SORCS1: variants seen among roughly 807,000 people sequenced by gnomAD.
SORCS1 encodes the protein sortilin related VPS10 domain containing receptor 1.
Under a neutral mutation model 146.1 loss-of-function variants are expected in SORCS1, and 60 were observed. The observed-to-expected ratio is 0.41, with a 90% CI of 0.33 to 0.51. The LOEUF (loss-of-function observed/expected upper bound fraction) is 0.51. Ranked by LOEUF, SORCS1 falls within the 20% of genes least tolerant of loss-of-function variation. The pLI is 0.21. For synonymous variants in SORCS1, 637 were observed against 584.0 expected, an observed-to-expected ratio of 1.09 and a Z score of -1.31; for missense variants, 1,352 against 1,487.6, an observed-to-expected ratio of 0.91 and a Z score of 1.50.
At position 106,898,368 on chromosome 10, in the gene SORCS1, C is replaced by T. The variant is rs1001493985; in HGVS notation, c.626+58145G>A. On this transcript the variant is annotated intron_variant, in intron 2 of 25. Coordinates refer to ENST00000263054, the MANE Select transcript of SORCS1 (RefSeq NM_052918.5). ...TAATTAGATGTCTGACAGCCAACAT[C>T]GGCAGGACTGCTGTCCTTCTGCTGG... 2.0e-5 allele frequency among the ~76,000 whole-genome samples: 3 copies of T among 152,006 alleles called. No homozygotes were observed. In the East Asian group the frequency reaches 5.8e-4, roughly 29 times the overall value.
At chr10:106,871,826 T>C (rs571659645) in intron 2 of SORCS1, among the ~76,000 whole-genome samples, 11 of 152,164 alleles carry the variant, frequency 7.2e-5, no homozygotes, top group Non-Finnish European at 1.5e-4. Flanking sequence ...AAATAATCTG[T>C]ACAACAAACC....
At chr10:106,795,190 C>G (rs930476515) in intron 3 of SORCS1, among the ~76,000 whole-genome samples, 26 of 152,128 alleles carry the variant, frequency 1.7e-4, no homozygotes, top group African/African-American at 6.0e-4. Flanking sequence ...AAACAGGTTC[C>G]TTTGGTTTAT....
chr10:106,987,729 T>G (rs2139425933), intron 1 of SORCS1, among the ~76,000 whole-genome samples: 1 of 152,346 alleles, frequency 6.6e-6, no homozygotes, highest in South Asian at 2.1e-4. Context: ...AATTTATAAT[T>G]ATTACCTGCA....
chr10:107,172,111 A>G, the SORCS1 span, among the ~76,000 whole-genome samples: 13 of 152,186 alleles, frequency 8.5e-5, no homozygotes, highest in African/African-American at 1.2e-4. Context: ...CCTGTTATCC[A>G]AAGGCCCAAT....
chr10:107,153,229 A>T (rs1968978672), intron 1 of SORCS1, among the ~76,000 whole-genome samples: 1 of 151,530 alleles, frequency 6.6e-6, no homozygotes, highest in Non-Finnish European at 1.5e-5. Context: ...ATCAGTGCTC[A>T]CAATCAGTAA....
At chr10:106,759,965 T>C (rs1858952450) in intron 5 of SORCS1, among the ~76,000 whole-genome samples, 1 of 152,204 alleles carries the variant, frequency 6.6e-6, no homozygotes, top group African/African-American at 2.4e-5. Context: ...CTACCATTTA[T>C]GTAAATGCAA....
At chr10:106,828,240 C>A (rs2136995317) in intron 3 of SORCS1, among the ~76,000 whole-genome samples, 1 of 152,266 alleles carries the variant, frequency 6.6e-6, no homozygotes, top group African/African-American at 2.4e-5. Flanking sequence ...CTATGCTCAA[C>A]TGAAAAGTTA....
At position 106,750,267 on chromosome 10, in the gene SORCS1, T is replaced by C. The variant is rs184521917; in HGVS notation, c.959+11321A>G. ...GAAGTGACTGAATATTGTTCAAAGA[T>C]AGAGAAGCTGCAGCCTATGGGGACA... is the stretch of plus-strand genomic sequence containing the variant. On this transcript the variant is annotated intron_variant, in intron 5 of 25. Transcript: ENST00000263054. Among the ~76,000 whole-genome samples the C allele has an allele frequency of 5.5e-4, 84 of 152,168 alleles. 1 individual carries two copies. In the East Asian group the frequency reaches 0.014, roughly 25 times the overall value.
At chr10:106,635,159 A>G (rs909387344) in intron 18 of SORCS1, among the ~76,000 whole-genome samples, 1 of 152,232 alleles carries the variant, frequency 6.6e-6, no homozygotes, top group African/African-American at 2.4e-5. Context: ...TGTAACACAG[A>G]TTCAGAGAAC....
At chr10:106,849,205 C>T (rs950603414) in intron 2 of SORCS1, among the ~76,000 whole-genome samples, 3 of 150,802 alleles carry the variant, frequency 2.0e-5, no homozygotes, top group Non-Finnish European at 3.0e-5. Flanking sequence ...CCATTCTCTG[C>T]ATCACTTTCA....
chr10:107,172,455 A>C, the SORCS1 span, among the ~76,000 whole-genome samples: 1 of 152,198 alleles, frequency 6.6e-6, no homozygotes, highest in Non-Finnish European at 1.5e-5. Flanking sequence ...TGTAGGTGCT[A>C]AGTATGTAAA....
intron 1 of SORCS1, among the ~76,000 whole-genome samples, chr10:107,046,947 A>T (rs1801142702): frequency 6.6e-6 from 1 of 152,132 alleles, no homozygotes; most frequent in Admixed American, 6.6e-5. Context: ...CCAGGAAAGG[A>T]TCATCTGGCA....
At chr10:106,664,965 A>AT (rs1368006820) in intron 17 of SORCS1, among the ~76,000 whole-genome samples, 1 of 151,838 alleles carries the variant, frequency 6.6e-6, no homozygotes, top group East Asian at 1.9e-4. Context: ...TAACCTTTTC[A>AT]TTTTTTTCCT....
At position 106,671,273 on chromosome 10, in the gene SORCS1, G is replaced by A. The variant is rs1374761389; in HGVS notation, c.2153C>T (p.Ser718Phe). Residue 718 changes from serine to phenylalanine, a missense_variant, in exon 16 of 26, where the codon TCT becomes TTT. Physicochemically the swap from Ser to Phe is radical, Grantham distance 155 (BLOSUM62 -2). Coordinates refer to ENST00000263054, the MANE Select transcript of SORCS1 (RefSeq NM_052918.5). ...MQGKYAGAMESEPCVCTEADF... is the reference protein window; with the variant it reads ...MQGKYAGAMEFEPCVCTEADF... ...AGCCTCAGTGCAGACACAGGGTTCA[G>A]ATTCCATAGCTCCTGCATATTTTCC... is the stretch of plus-strand genomic sequence containing the variant. 2 of 1,614,018 alleles carry A rather than the reference G, an allele frequency of 1.2e-6. No homozygotes were observed. Among genetic ancestry groups the A allele is most frequent in the African/African-American group, 2.7e-5 (2 of 74,920 alleles).
intron 1 of SORCS1, among the ~76,000 whole-genome samples, chr10:107,006,047 T>G (rs991759335): frequency 2.0e-5 from 3 of 152,250 alleles, no homozygotes; most frequent in African/African-American, 7.2e-5. Flanking sequence ...TTGTCCAATT[T>G]AATACATATC....
intron 2 of SORCS1, among the ~76,000 whole-genome samples, chr10:106,937,740 G>A (rs1476167715): frequency 1.3e-5 from 2 of 152,068 alleles, no homozygotes; most frequent in Non-Finnish European, 2.9e-5. Flanking sequence ...GAGGCAGGTG[G>A]ATCACCTGAG....
chr10:106,754,907 G>GT (rs1356948730), intron 5 of SORCS1, among the ~76,000 whole-genome samples: 1 of 152,186 alleles, frequency 6.6e-6, no homozygotes, highest in Non-Finnish European at 1.5e-5. Context: ...CCAGCTGTCT[G>GT]TATGTCAGAG....
chr10:106,763,835 T>C (rs1678016132), intron 4 of SORCS1, among the ~76,000 whole-genome samples: 1 of 152,222 alleles, frequency 6.6e-6, no homozygotes, highest in Non-Finnish European at 1.5e-5. Flanking sequence ...AGAAATTCCT[T>C]TCTATCTAAA....
intron 1 of SORCS1, among the ~76,000 whole-genome samples, chr10:106,970,412 C>T (rs1367269195): frequency 6.8e-6 from 1 of 145,992 alleles, no homozygotes; most frequent in African/African-American, 2.6e-5. Context: ...GATCCCTGCC[C>T]ACTGCAACCA....
Sources: gnomAD v4.1 joint callset for allele counts (sites outside exome capture counted in the v4.1 genomes callset) on GRCh38, gnomAD v4.1.1 for gene constraint, MANE v1.5 for transcripts, NCBI Gene and HGNC (gene_info 2026-07-23, HGNC 2026-07-21) for gene names.